The following ABHD18 variants were observed in gnomAD, a reference collection of about 807,000 sequenced individuals.
ABHD18 encodes the protein cardiolipin-specific deacylase, mitochondrial.
A neutral mutation model predicts 65.9 loss-of-function variants in ABHD18; 55 were observed. The ratio of observed to expected loss-of-function variants is 0.84; its 90% CI spans 0.67 to 1.05. ABHD18 has a LOEUF of 1.05. ABHD18 is among the 50% of genes least tolerant of loss of function. The pLI is 0.00. For missense variants in ABHD18, 533 were observed against 558.5 expected (o/e 0.95, Z 0.46); for synonymous variants, 181 against 180.2 (o/e 1.00, Z -0.04).
At chr4:128,026,407 T>C (rs1757364636) in intron 10 of ABHD18, among the ~76,000 whole-genome samples, 1 of 148,728 alleles carries the variant, frequency 6.7e-6, no homozygotes, top group Non-Finnish European at 1.5e-5. Context: ...TGCAGTGAGC[T>C]GAAATCGTGC....
rs768450115 is a variant in ABHD18 at position 127,980,825 on chromosome 4, CAAAAAAA to C, written c.-17-2098_-17-2092del. Among the ~76,000 whole-genome samples, 433 of 46,560 alleles carry C rather than the reference CAAAAAAA, an allele frequency of 9.3e-3. 4 individuals carry two copies. The highest frequency in any genetic ancestry group is 0.025 in the African/African-American group (396 of 15,808). 30.5% of individuals were successfully genotyped at this position (46,560 alleles called of 152,430 possible). On this transcript the variant is annotated intron_variant, in intron 1 of 12. Transcript: ENST00000645843. The stretch of plus-strand genomic sequence containing the variant: ...TGGGCAACAGAGCAAGACTGCATCT[CAAAAAAA>C]AAAAAAAAAAAAAAAGTGATTGGAA...
intron 4 of ABHD18, among the ~76,000 whole-genome samples, chr4:128,004,808 G>A (rs1011160191): frequency 3.9e-5 from 6 of 152,088 alleles, no homozygotes; most frequent in African/African-American, 1.4e-4. Context: ...CTACTCGAGA[G>A]GCTGAGGCAG....
At chr4:127,970,773 T>C (rs1164070592) in intron 1 of ABHD18, among the ~76,000 whole-genome samples, 1 of 150,828 alleles carries the variant, frequency 6.6e-6, no homozygotes, top group Admixed American at 6.6e-5. Flanking sequence ...AAGACCCTCA[T>C]CTCTACAAAA....
chr4:127,996,231 C>A (rs1260662526), intron 4 of ABHD18, among the ~76,000 whole-genome samples: 2 of 152,160 alleles, frequency 1.3e-5, no homozygotes, highest in African/African-American at 2.4e-5. Context: ...AGTATTCACT[C>A]ACCTTTTCAC....
chr4:128,011,584 A>G, intron 6 of ABHD18, 89 bp from the exon 7 acceptor site: 1 of 941,984 alleles, frequency 1.1e-6, no homozygotes, highest in Non-Finnish European at 1.6e-6. Flanking sequence ...TCAGTATTAA[A>G]TTGTGTAAAA....
In ABHD18 at chr4:128,000,323, A is replaced by G. The variant is rs118073010; in HGVS notation, c.279-8597A>G. Among the ~76,000 whole-genome samples the G allele has an allele frequency of 1.5e-4, 23 of 152,304 alleles. No individual in the cohort carries two copies. The East Asian group carries it at 4.1e-3, about 27-fold the overall frequency. ...GTTTATGGTGAAAGGAATGGGTCCA[A>G]TTTCAATCTTCTGCATATGGCTAGC... On this transcript the variant is annotated intron_variant, in intron 4 of 12. Transcript: ENST00000645843.
At chr4:128,023,292 G>A (rs79601723) in intron 10 of ABHD18, among the ~76,000 whole-genome samples, 5,318 of 151,240 alleles carry the variant, frequency 0.035, 316 homozygotes, top group African/African-American at 0.12. Context: ...GGGACCAGGC[G>A]TGGTGGCACA....
At position 128,028,632 on chromosome 4, in the gene ABHD18, C is replaced by T. The variant is rs1427368897; in HGVS notation, c.959C>T (p.Thr320Ile). Reference sequence around the variant, plus strand: ...GCTGACTGCCATAATTCTAGCAAAACATCTGTCAGTGCGACATCAGAAGGA... The same window carrying T: ...GCTGACTGCCATAATTCTAGCAAAATATCTGTCAGTGCGACATCAGAAGGA... Reference protein sequence around the residue: ...KPADCHNSSKTSVSATSEGLL... With the variant: ...KPADCHNSSKISVSATSEGLL... The change falls in exon 11 of 13, where the codon ACA becomes ATA. Residue 320 changes from threonine (T) to isoleucine (I), a missense_variant. Physicochemically the swap from Thr to Ile is moderately conservative, Grantham distance 89. Transcript: ENST00000645843. The T allele has an allele frequency of 1.2e-6, 2 of 1,613,772 alleles. No homozygotes were observed. Among genetic ancestry groups the T allele is most frequent in the African/African-American group, 2.7e-5 (2 of 74,922 alleles).
At chr4:127,999,900 A>G (rs1253954445) in intron 4 of ABHD18, among the ~76,000 whole-genome samples, 2 of 152,164 alleles carry the variant, frequency 1.3e-5, no homozygotes, top group Non-Finnish European at 1.5e-5. Context: ...AGACATACCC[A>G]ATACTGGGCA....
At chr4:127,979,407 T>A (rs1363707780) in intron 1 of ABHD18, among the ~76,000 whole-genome samples, 1 of 151,926 alleles carries the variant, frequency 6.6e-6, no homozygotes, top group Non-Finnish European at 1.5e-5. Context: ...TACAAAAAAT[T>A]AGCCAGGCGT....
At chr4:127,999,945 C>T (rs1347209982) in intron 4 of ABHD18, among the ~76,000 whole-genome samples, 1 of 152,154 alleles carries the variant, frequency 6.6e-6, no homozygotes, top group Non-Finnish European at 1.5e-5. Flanking sequence ...CTTAACAGTC[C>T]ACGTGGCTGG....
In ABHD18 at chr4:127,965,579, T is replaced by G; in HGVS notation, c.-45T>G. ...GGCGGTGCTGGGAGGCCCGGCCAGC[T>G]CGATCGCAGGCTTCCACCTGGCGGC... On this transcript the variant is annotated 5_prime_UTR_variant, in exon 1 of 13. Coordinates refer to ENST00000645843, the MANE Select transcript of ABHD18 (RefSeq NM_001358451.3). 4.3e-6 allele frequency: 1 copy of G among 230,188 alleles called. No homozygotes were observed. The highest frequency in any genetic ancestry group is 5.2e-5 in the South Asian group (1 of 19,058). 14.3% of individuals were successfully genotyped at this position (230,188 alleles called of 1,614,324 possible).
chr4:128,027,142 C>A (rs1052582446), intron 10 of ABHD18, among the ~76,000 whole-genome samples: 1 of 152,120 alleles, frequency 6.6e-6, no homozygotes, highest in African/African-American at 2.4e-5. Context: ...CAATTGCCTA[C>A]AGTATTAAGT....
intron 10 of ABHD18, among the ~76,000 whole-genome samples, chr4:128,024,880 C>T (rs1468685293): frequency 2.6e-5 from 4 of 151,802 alleles, no homozygotes; most frequent in African/African-American, 7.3e-5. Context: ...TTAGTATAGA[C>T]GGGGTTTCTC....
intron 4 of ABHD18, among the ~76,000 whole-genome samples, chr4:127,999,971 A>G (rs1484643358): frequency 6.6e-6 from 1 of 152,218 alleles, no homozygotes; most frequent in South Asian, 2.1e-4. Context: ...CCCCACAATC[A>G]TGGCGGAAGG....
intron 8 of ABHD18, 29 bp from the exon 9 acceptor site, chr4:128,020,047 CTAAA>C: frequency 7.0e-7 from 1 of 1,424,912 alleles, no homozygotes; most frequent in Non-Finnish European, 9.7e-7. Context: ...AATAGAAACT[CTAAA>C]TAGACGCTCT....
At chr4:128,034,117 C>T (rs538619668) in intron 12 of ABHD18, among the ~76,000 whole-genome samples, 2 of 151,850 alleles carry the variant, frequency 1.3e-5, no homozygotes, top group African/African-American at 4.8e-5. Context: ...CACCACCACA[C>T]CCGGCTAATG....
chr4:128,020,390 A>G (rs1756295123), intron 9 of ABHD18, among the ~76,000 whole-genome samples: 1 of 152,232 alleles, frequency 6.6e-6, no homozygotes, highest in South Asian at 2.1e-4. Context: ...AACCAAGAAC[A>G]AGCTTCCAAG....
Position 128,018,391 on chromosome 4 carries a change from G to T in ABHD18, c.609+890G>T, listed in dbSNP as rs1026661412. Among the ~76,000 whole-genome samples, 17 of 152,138 alleles carry T rather than the reference G, an allele frequency of 1.1e-4. 1 individual carries two copies. The highest frequency in any genetic ancestry group is 3.2e-3 in the Middle Eastern group (1 of 316). On this transcript the variant is annotated intron_variant, in intron 8 of 12. Coordinates refer to ENST00000645843, the MANE Select transcript of ABHD18 (RefSeq NM_001358451.3). ...CTCCCAAAGTGCTGGGATTATAGGT[G>T]TGGGCCACTGCACCTGGCCTAAAAA...
Sources: gnomAD v4.1 joint callset for allele counts (sites outside exome capture counted in the v4.1 genomes callset) on GRCh38, gnomAD v4.1.1 for gene constraint, MANE v1.5 for transcripts, NCBI Gene and HGNC (gene_info 2026-07-23, HGNC 2026-07-21) for gene names.